TBL1XR1: variants seen among roughly 807,000 people sequenced by gnomAD.
TBL1XR1 encodes F-box-like/WD repeat-containing protein TBL1XR1.
In TBL1XR1, 5 loss-of-function variants were observed where a neutral mutation model predicts 66.9. That is an observed-to-expected ratio of 0.07 (90% CI 0.04 to 0.16). TBL1XR1 has a LOEUF of 0.16. TBL1XR1 is among the 10% of genes least tolerant of loss of function. The probability of loss-of-function intolerance (pLI) is 1.00; values close to 1 mark genes in which losing one functional copy is unlikely to be tolerated. For missense variants in TBL1XR1, 238 were observed against 623.2 expected, an observed-to-expected ratio of 0.38 and a Z score of 6.58; for synonymous variants, 210 against 206.0, an observed-to-expected ratio of 1.02 and a Z score of -0.17.
At chr3:177,042,935 C>A (rs144026283) in intron 10 of TBL1XR1, among the ~76,000 whole-genome samples, 1 of 151,772 alleles carries the variant, frequency 6.6e-6, no homozygotes, top group Non-Finnish European at 1.5e-5. Context: ...CCTTTATTGA[C>A]ATATAATTCA....
intron 2 of TBL1XR1, among the ~76,000 whole-genome samples, chr3:177,096,356 A>C (rs956858397): frequency 6.6e-6 from 1 of 152,112 alleles, no homozygotes; most frequent in Non-Finnish European, 1.5e-5. Flanking sequence ...ACACACACTT[A>C]AATTTCTGTG....
At chr3:177,069,392 T>C (rs966098931) in intron 2 of TBL1XR1, among the ~76,000 whole-genome samples, 3 of 152,094 alleles carry the variant, frequency 2.0e-5, no homozygotes, top group Non-Finnish European at 4.4e-5. Flanking sequence ...ATGATGTTTA[T>C]TAAGACTTAT....
rs1403333077 is a variant in TBL1XR1, at chr3:177,023,721, T to C, written c.*1777A>G. Reference sequence around the variant, plus strand: ...TTTGTAAAAATAGCAAAGCAACGAATGCTGAAATCAATCAAAGCTGCATTA... The same window carrying C: ...TTTGTAAAAATAGCAAAGCAACGAACGCTGAAATCAATCAAAGCTGCATTA... On this transcript the variant is annotated 3_prime_UTR_variant, in exon 16 of 16. Coordinates refer to ENST00000457928, the MANE Select transcript of TBL1XR1 (RefSeq NM_024665.7). The C allele has an allele frequency of 6.6e-6, 1 of 152,506 alleles. No homozygotes were observed. Among genetic ancestry groups the C allele is most frequent in the Non-Finnish European group, 1.5e-5 (1 of 67,934 alleles). The allele number at this position is 152,506 out of a possible 1,614,324, so 9.4% of individuals were successfully genotyped here.
chr3:177,090,537 A>T (rs997866332), intron 2 of TBL1XR1, among the ~76,000 whole-genome samples: 2 of 151,040 alleles, frequency 1.3e-5, no homozygotes, highest in African/African-American at 4.9e-5. Flanking sequence ...AAAAAAAAAA[A>T]ATCAGCTGGG....
chr3:177,035,413 ATT>A (rs71798306), intron 12 of TBL1XR1, among the ~76,000 whole-genome samples: 7 of 130,770 alleles, frequency 5.4e-5, no homozygotes, highest in Non-Finnish European at 8.0e-5. Context: ...CCCTGCCCCA[ATT>A]TTTTTTTTTT....
chr3:177,025,495 G>A lies in TBL1XR1; in HGVS notation c.*3C>T. The A allele has an allele frequency of 6.2e-7, 1 of 1,612,528 alleles. No homozygotes were observed. The highest frequency in any genetic ancestry group is 8.5e-7 in the Non-Finnish European group (1 of 1,179,526). On this transcript the variant is annotated 3_prime_UTR_variant, in exon 16 of 16. Transcript: ENST00000457928. ...GTCGGTCCATGGCTTCCAACTAGTA[G>A]CGCTATTTCCGAAGGTCTAATACAC...
In TBL1XR1 at chr3:177,045,366, G is replaced by A. The variant is rs138146394; in HGVS notation, c.925+763C>T. On this transcript the variant is annotated intron_variant, in intron 10 of 15. Transcript: ENST00000457928. ...TCCAGTTTAACATCATTTAGTTACT[G>A]CAGTCGGGAAACTCACTGAAAAGCG... is the stretch of plus-strand genomic sequence containing the variant. Among the ~76,000 whole-genome samples, 105 of 152,232 alleles carry A rather than the reference G, an allele frequency of 6.9e-4. No individual in the cohort carries two copies. In the East Asian group the frequency reaches 0.017, roughly 24 times the overall value.
At chr3:177,043,239 A>G (rs139675079) in intron 10 of TBL1XR1, among the ~76,000 whole-genome samples, 7 of 152,310 alleles carry the variant, frequency 4.6e-5, no homozygotes, top group African/African-American at 1.7e-4. Context: ...CAGTCCATCA[A>G]TTATTGAGAG....
rs1712898974 is a variant in TBL1XR1 at position 177,024,966 on chromosome 3, C to G, written c.*532G>C. 1 of 152,834 alleles carries G rather than the reference C, an allele frequency of 6.5e-6. No individual in the cohort carries two copies. The highest frequency in any genetic ancestry group is 2.4e-5 in the African/African-American group (1 of 41,376). The allele number at this position is 152,834 out of a possible 1,614,324, so 9.5% of individuals were successfully genotyped here. On this transcript the variant is annotated 3_prime_UTR_variant, in exon 16 of 16. Transcript: ENST00000457928. ...GTTTAAAAGGTGAAAAAAATATAAA[C>G]AAGAAACTGATTCACTCCCTTACTT...
At chr3:177,144,313 G>A (rs532736040) in intron 1 of TBL1XR1, among the ~76,000 whole-genome samples, 2 of 152,188 alleles carry the variant, frequency 1.3e-5, no homozygotes, top group South Asian at 4.1e-4. Flanking sequence ...CAAAGAAAGA[G>A]GCAGTTACTA....
At chr3:177,107,603 A>T (rs1725034381) in intron 1 of TBL1XR1, among the ~76,000 whole-genome samples, 1 of 152,214 alleles carries the variant, frequency 6.6e-6, no homozygotes, top group African/African-American at 2.4e-5. Context: ...CAAACTTAAA[A>T]TGATACATTC....
intron 1 of TBL1XR1, among the ~76,000 whole-genome samples, chr3:177,176,611 G>C (rs373276761): frequency 8.7e-5 from 13 of 149,556 alleles, no homozygotes; most frequent in African/African-American, 2.9e-4. Context: ...TCAGGAGTTC[G>C]AGACCAGCCC....
At chr3:177,152,002 G>A (rs995459012) in intron 1 of TBL1XR1, among the ~76,000 whole-genome samples, 25 of 152,094 alleles carry the variant, frequency 1.6e-4, no homozygotes, top group Non-Finnish European at 3.1e-4. Context: ...CCAGCCTGGG[G>A]CACAAGAGCA....
chr3:177,037,404 T>C (rs886597509), intron 12 of TBL1XR1: 2 of 152,208 alleles, frequency 1.3e-5, no homozygotes, highest in Admixed American at 1.3e-4. Context: ...TACAGATATT[T>C]GGTGAGACAT....
intron 1 of TBL1XR1, among the ~76,000 whole-genome samples, chr3:177,183,345 T>A (rs909486035): frequency 4.6e-5 from 7 of 152,204 alleles, no homozygotes; most frequent in East Asian, 3.8e-4. Context: ...CCTTCAGTTA[T>A]TTCTGCATGT....
In TBL1XR1 at chr3:177,097,785, G is replaced by T. The variant is rs1407810223; in HGVS notation, c.-46+681C>A. Among the ~76,000 whole-genome samples the T allele has an allele frequency of 2.0e-5, 3 of 152,278 alleles. No individual in the cohort carries two copies. The East Asian group carries it at 5.8e-4, about 29-fold the overall frequency. On this transcript the variant is annotated intron_variant, in intron 2 of 15. Transcript: ENST00000457928. Reference sequence around the variant, plus strand: ...AAAAATAGAAGAGCAAAATGCCACTGTTGCATTTTTAACAAGAAAATACTA... The same window carrying T: ...AAAAATAGAAGAGCAAAATGCCACTTTTGCATTTTTAACAAGAAAATACTA...
In TBL1XR1 at chr3:177,029,334, G is replaced by T. The variant is rs548187662; in HGVS notation, c.1417-2860C>A. ...ACATTAACATTAAAAACTTTCATAT[G>T]ATCTGGGCGTGATGCCTCATGCCTG... is the stretch of plus-strand genomic sequence containing the variant. On this transcript the variant is annotated intron_variant, in intron 14 of 15. Transcript: ENST00000457928. 6.6e-5 allele frequency among the ~76,000 whole-genome samples: 10 copies of T among 152,224 alleles called. No individual in the cohort carries two copies. In the South Asian group the frequency reaches 2.1e-3, roughly 32 times the overall value.
At chr3:177,033,938 A>C (rs1714386221) in intron 13 of TBL1XR1, among the ~76,000 whole-genome samples, 1 of 152,084 alleles carries the variant, frequency 6.6e-6, no homozygotes, top group Non-Finnish European at 1.5e-5. Context: ...GGGAGTGGGG[A>C]GAAGGCTGAG....
chr3:177,040,962 T>C (rs1417859890), intron 10 of TBL1XR1: 1 of 152,184 alleles, frequency 6.6e-6, no homozygotes, highest in Non-Finnish European at 1.5e-5. Flanking sequence ...CCTCCCTCAA[T>C]CAACCTTTTA....
Sources: gnomAD v4.1 joint callset for allele counts (sites outside exome capture counted in the v4.1 genomes callset) on GRCh38, gnomAD v4.1.1 for gene constraint, MANE v1.5 for transcripts, NCBI Gene and HGNC (gene_info 2026-07-23, HGNC 2026-07-21) for gene names.